The following TMEM182 variants were observed in gnomAD, a reference collection of about 807,000 sequenced individuals.
TMEM182 encodes transmembrane protein 182.
Under a neutral mutation model 26.8 loss-of-function variants are expected in TMEM182, and 20 were observed. The ratio of observed to expected loss-of-function variants is 0.75; its 90% CI spans 0.53 to 1.09. The LOEUF (loss-of-function observed/expected upper bound fraction) is 1.09. TMEM182 is among the 50% of genes least tolerant of loss of function. The pLI is 0.00. For synonymous variants in TMEM182, 109 were observed against 102.2 expected, an observed-to-expected ratio of 1.07 and a Z score of -0.40; for missense variants, 277 against 275.5, an observed-to-expected ratio of 1.01 and a Z score of -0.04.
At chr2:102,825,781 A>T (rs1195783333) in intron 3 of TMEM182, among the ~76,000 whole-genome samples, 1 of 152,216 alleles carries the variant, frequency 6.6e-6, no homozygotes. Flanking sequence ...AGCTTCTCTT[A>T]CTTTGTCTGG....
intron 4 of TMEM182, among the ~76,000 whole-genome samples, chr2:102,805,968 G>A (rs973878827): frequency 1.3e-5 from 2 of 152,096 alleles, no homozygotes; most frequent in African/African-American, 4.8e-5. Context: ...CAGTGAAAAG[G>A]CAGACTGAAT....
chr2:102,758,404 A>G (rs187207714), upstream of TMEM182: 136 of 712,798 alleles, frequency 1.9e-4, no homozygotes, highest in Middle Eastern at 1.2e-3. Flanking sequence ...ATGGAAAACT[A>G]GAAGAGTTTC....
At position 102,837,062 on chromosome 2, in the gene TMEM182, T is replaced by C. The variant is rs1276798143; in HGVS notation, c.326-6350T>C. ...TGCAGATGAGAGGTCTGTGTTATTA[T>C]GGTACCTCCCTCCAACCTTAATTGT... On this transcript the variant is annotated intron_variant, in intron 3 of 3. Coordinates refer to the TMEM182 transcript ENST00000486293. Among the ~76,000 whole-genome samples the C allele has an allele frequency of 3.9e-5, 6 of 152,220 alleles. No individual in the cohort carries two copies. The East Asian group carries it at 1.2e-3, about 29-fold the overall frequency.
At chr2:102,839,670 A>G (rs1683311613) in intron 3 of TMEM182, among the ~76,000 whole-genome samples, 1 of 152,108 alleles carries the variant, frequency 6.6e-6, no homozygotes. Context: ...GTAAAAATTG[A>G]AATACCACAA....
intron 3 of TMEM182, among the ~76,000 whole-genome samples, chr2:102,797,085 T>G (rs1186857123): frequency 6.6e-6 from 1 of 152,208 alleles, no homozygotes; most frequent in Non-Finnish European, 1.5e-5. Context: ...TTGATTACCA[T>G]ATATCACCAA....
At chr2:102,747,924 C>T (rs1371960253) in intron 1 of TMEM182, among the ~76,000 whole-genome samples, 3 of 152,160 alleles carry the variant, frequency 2.0e-5, no homozygotes, top group East Asian at 1.9e-4. Context: ...CCCTTAAAAC[C>T]TCAGTGATAT....
At chr2:102,759,122 T>G (rs1047977706), upstream of TMEM182, among the ~76,000 whole-genome samples, 1 of 152,194 alleles carries the variant, frequency 6.6e-6, no homozygotes, top group Non-Finnish European at 1.5e-5. Flanking sequence ...CAACAAAGTC[T>G]TATATTCTTT....
intron 3 of TMEM182, among the ~76,000 whole-genome samples, chr2:102,839,483 CA>C (rs1683308770): frequency 7.7e-6 from 1 of 129,406 alleles, no homozygotes; most frequent in African/African-American, 2.9e-5. Flanking sequence ...TATATACACA[CA>C]AAAATAATTC....
intron 3 of TMEM182, among the ~76,000 whole-genome samples, chr2:102,773,685 A>G (rs190392887): frequency 2.0e-5 from 3 of 152,220 alleles, no homozygotes; most frequent in East Asian, 3.9e-4. Flanking sequence ...CCAATCTGAC[A>G]TATTATACAA....
upstream of TMEM182, chr2:102,758,393 C>T (rs112482638): frequency 3.1e-3 from 2,215 of 706,776 alleles, 28 homozygotes; most frequent in African/African-American, 0.032. Flanking sequence ...CCTTAGGAAT[C>T]ATGGAAAACT....
In TMEM182 at chr2:102,762,347, A is replaced by G; in HGVS notation, c.130A>G (p.Asn44Asp). Reference protein sequence around the residue: ...TEVGRCSGEKNIENVTFHHEG... With the variant: ...TEVGRCSGEKDIENVTFHHEG... ...AGTGGGGAGATGTTCAGGTGAAAAGAATGTGAGTCTCTTCTTCAAAATAGT... is the reference window on the plus strand; with the variant it reads ...AGTGGGGAGATGTTCAGGTGAAAAGGATGTGAGTCTCTTCTTCAAAATAGT... Residue 44 changes from asparagine to aspartate, a missense_variant and splice_region_variant, in exon 1 of 5, where the codon AAT becomes GAT. Physicochemically the swap from Asn to Asp is conservative, Grantham distance 23. Coordinates refer to ENST00000412401, the MANE Select transcript of TMEM182 (RefSeq NM_144632.5). 6.2e-7 allele frequency: 1 copy of G among 1,613,838 alleles called. No individual in the cohort carries two copies. Among genetic ancestry groups the G allele is most frequent in the Non-Finnish European group, 8.5e-7 (1 of 1,179,940 alleles).
At chr2:102,773,571 G>A (rs947940764) in intron 3 of TMEM182, among the ~76,000 whole-genome samples, 3 of 151,734 alleles carry the variant, frequency 2.0e-5, no homozygotes, top group Admixed American at 6.6e-5. Context: ...CAAGTGAGGG[G>A]AGCTTAGAAG....
chr2:102,814,972 A>C lies in TMEM182; in HGVS notation c.*4A>C. 2 of 1,613,200 alleles carry C rather than the reference A, an allele frequency of 1.2e-6. No individual in the cohort carries two copies. Among genetic ancestry groups the C allele is most frequent in the Non-Finnish European group, 1.7e-6 (2 of 1,179,662 alleles). On this transcript the variant is annotated 3_prime_UTR_variant, in exon 5 of 5. Transcript: ENST00000412401. The stretch of plus-strand genomic sequence containing the variant: ...GCATATTCAGATACATCACTAAATC[A>C]ACTGTTGCCACAAGTATTTTCTTGA...
intron 4 of TMEM182, among the ~76,000 whole-genome samples, chr2:102,799,074 A>G (rs1051250580): frequency 1.3e-5 from 2 of 152,248 alleles, no homozygotes; most frequent in African/African-American, 2.4e-5. Context: ...AGCACAGGCT[A>G]TTATTTGTAA....
At chr2:102,745,347 AATCTTT>A (rs780469879) in intron 1 of TMEM182, among the ~76,000 whole-genome samples, 2 of 152,060 alleles carry the variant, frequency 1.3e-5, no homozygotes, top group Admixed American at 6.6e-5. Context: ...TTTCCATTAT[AATCTTT>A]AACATATTAG....
At chr2:102,817,695 A>G (rs1411906959), downstream of TMEM182, 4 of 984,176 alleles carry the variant, frequency 4.1e-6, no homozygotes, top group African/African-American at 7.0e-5. Context: ...AGTGTTGGTA[A>G]TTATTCATCT....
At chr2:102,803,158 A>C (rs892757492) in intron 4 of TMEM182, among the ~76,000 whole-genome samples, 9 of 152,204 alleles carry the variant, frequency 5.9e-5, no homozygotes, top group Non-Finnish European at 1.2e-4. Flanking sequence ...GGCCAAGTTG[A>C]GTCTTGTTTC....
intron 4 of TMEM182, among the ~76,000 whole-genome samples, chr2:102,810,125 T>C (rs1213822548): frequency 6.6e-6 from 1 of 152,082 alleles, no homozygotes; most frequent in African/African-American, 2.4e-5. Context: ...AAACACTCTC[T>C]TTTTAAAAAA....
intron 1 of TMEM182, among the ~76,000 whole-genome samples, chr2:102,756,598 A>G (rs1180332256): frequency 3.6e-5 from 5 of 138,792 alleles, no homozygotes; most frequent in African/African-American, 1.3e-4. Context: ...AGTGTCAGCT[A>G]CTTGGGAGGG....
Sources: allele counts gnomAD v4.1 joint callset (sites outside exome capture counted in the v4.1 genomes callset), GRCh38; gene constraint gnomAD v4.1.1; transcripts MANE v1.5; gene names NCBI Gene and HGNC (gene_info 2026-07-23, HGNC 2026-07-21).